CACNA1E: variants seen among roughly 807,000 people sequenced by gnomAD.
The protein encoded by CACNA1E is voltage-dependent R-type calcium channel subunit alpha-1E.
In CACNA1E, 40 loss-of-function variants were observed where a neutral mutation model predicts 259.2. The observed-to-expected ratio is 0.15, with a 90% CI of 0.12 to 0.20. The LOEUF (loss-of-function observed/expected upper bound fraction) is 0.20. Among genes scored for constraint, CACNA1E ranks in the 10% least tolerant of loss-of-function variants. The probability of loss-of-function intolerance (pLI) is 1.00; values close to 1 mark genes in which losing one functional copy is unlikely to be tolerated. For synonymous variants in CACNA1E, 1,104 were observed against 1,138.5 expected, an observed-to-expected ratio of 0.97 and a Z score of 0.61; for missense variants, 1,874 against 3,040.1, an observed-to-expected ratio of 0.62 and a Z score of 9.02.
intron 2 of CACNA1E, among the ~76,000 whole-genome samples, chr1:181,457,103 G>A (rs1374232575): frequency 6.6e-6 from 1 of 152,206 alleles, no homozygotes; most frequent in Non-Finnish European, 1.5e-5. Flanking sequence ...TAGTTCTGGA[G>A]GCTGGGAAGT....
rs780394401 is a variant in CACNA1E at position 181,720,873 on chromosome 1, G to T, written c.1956+18G>T. 1.3e-6 allele frequency: 2 copies of T among 1,557,020 alleles called. No homozygotes were observed. Among genetic ancestry groups the T allele is most frequent in the Admixed American group, 1.7e-5 (1 of 59,270 alleles). ...TGTTCCAGGTATGAGGCCAGCTGAC[G>T]GTTCACAAGTGCTGCATGGGGTCCC... On this transcript the variant is annotated intron_variant, in intron 15 of 47. Coordinates refer to ENST00000367573, the MANE Select transcript of CACNA1E (RefSeq NM_001205293.3).
intron 7 of CACNA1E, among the ~76,000 whole-genome samples, chr1:181,688,272 A>G (rs1258659697): frequency 6.6e-6 from 1 of 152,190 alleles, no homozygotes; most frequent in African/African-American, 2.4e-5. Flanking sequence ...TATATCGCTA[A>G]ATGTTATATG....
chr1:181,781,382 C>T (rs1300412843), intron 38 of CACNA1E, 45 bp from the exon 39 acceptor site: 19 of 903,594 alleles, frequency 2.1e-5, no homozygotes, highest in Non-Finnish European at 3.4e-5. Context: ...CACCCCACTG[C>T]CCCGCTAACC....
At chr1:181,634,686 A>G (rs1387094430) in intron 6 of CACNA1E, among the ~76,000 whole-genome samples, 6 of 152,144 alleles carry the variant, frequency 3.9e-5, no homozygotes, top group Non-Finnish European at 8.8e-5. Flanking sequence ...TGGGTGCCCT[A>G]GAAACTCCAG....
At chr1:181,603,212 G>T (rs1198936339) in intron 6 of CACNA1E, among the ~76,000 whole-genome samples, 1 of 152,206 alleles carries the variant, frequency 6.6e-6, no homozygotes, top group Non-Finnish European at 1.5e-5. Context: ...CATATTATAT[G>T]CCAGGCGCTG....
intron 1 of CACNA1E, among the ~76,000 whole-genome samples, chr1:181,335,883 C>A (rs1284584892): frequency 6.6e-6 from 1 of 152,218 alleles, no homozygotes; most frequent in Non-Finnish European, 1.5e-5. Context: ...CAGTCCTTGG[C>A]CCCCACCCTA....
intron 6 of CACNA1E, among the ~76,000 whole-genome samples, chr1:181,644,461 C>T (rs1658079193): frequency 6.6e-6 from 1 of 152,114 alleles, no homozygotes; most frequent in Non-Finnish European, 1.5e-5. Flanking sequence ...CATTTAATTG[C>T]CCAGTGATGT....
intron 6 of CACNA1E, among the ~76,000 whole-genome samples, chr1:181,582,558 G>A (rs537157203): frequency 5.3e-5 from 8 of 152,376 alleles, no homozygotes; most frequent in South Asian, 2.1e-4. Flanking sequence ...GGATACAGGC[G>A]TGATTGTTGG....
intron 2 of CACNA1E, among the ~76,000 whole-genome samples, chr1:181,417,588 C>T (rs1658365071): frequency 6.6e-6 from 1 of 152,202 alleles, no homozygotes; most frequent in Non-Finnish European, 1.5e-5. Context: ...CGATTGACCT[C>T]ACTGTGAATT....
In CACNA1E at chr1:181,798,378, C is replaced by A. The variant is rs921771126; in HGVS notation, c.6486C>A (p.Val2162=). The A allele has an allele frequency of 6.2e-7, 1 of 1,613,030 alleles. No homozygotes were observed. Among genetic ancestry groups the A allele is most frequent in the Middle Eastern group, 1.6e-4 (1 of 6,062 alleles). Residue 2162 remains valine, a synonymous_variant, in exon 48 of 48, where the codon GTC becomes GTA. Transcript: ENST00000367573. This position sits in a 1 kb window ranked among gnomAD's most constrained non-coding sequence, Gnocchi z 4.2. ...PRRSRRQLPP[V]PPKPRPLLSY... is the part of the protein sequence containing the mutation. Reference sequence around the variant, plus strand: ...GAAGTCGTCGGCAGCTCCCACCCGTCCCGCCAAAGCCCCGGCCCCTCCTTT... The same window carrying A: ...GAAGTCGTCGGCAGCTCCCACCCGTACCGCCAAAGCCCCGGCCCCTCCTTT...
rs141170442 is a variant in CACNA1E, at chr1:181,743,004, C to G, written c.3719+3751C>G. ...GATAAAAAAAATAAATGGAAAGATA[C>G]CCACATTGCAACTTTTCTGTTCTTT... On this transcript the variant is annotated intron_variant, in intron 25 of 47. Transcript: ENST00000367573. Among the ~76,000 whole-genome samples, 680 of 152,194 alleles carry G rather than the reference C, an allele frequency of 4.5e-3. 5 individuals carry two copies. The highest frequency in any genetic ancestry group is 0.015 in the African/African-American group (640 of 41,530).
intron 2 of CACNA1E, among the ~76,000 whole-genome samples, chr1:181,469,020 A>T (rs1662326528): frequency 6.6e-6 from 1 of 152,172 alleles, no homozygotes; most frequent in Admixed American, 6.5e-5. Flanking sequence ...TAGAAAACTC[A>T]TTCATTCATT....
intron 1 of CACNA1E, among the ~76,000 whole-genome samples, chr1:181,508,036 G>A (rs1665854494): frequency 6.6e-6 from 1 of 152,104 alleles, no homozygotes; most frequent in Admixed American, 6.5e-5. Context: ...CCCACTTTGT[G>A]TCAGGCTGCC....
chr1:181,403,419 C>G (rs1459111364), intron 1 of CACNA1E, among the ~76,000 whole-genome samples: 1 of 151,856 alleles, frequency 6.6e-6, no homozygotes, highest in African/African-American at 2.4e-5. Context: ...AACCCAATTG[C>G]ACTGTTCACT....
At chr1:181,679,571 C>T (rs571530411) in intron 7 of CACNA1E, among the ~76,000 whole-genome samples, 23 of 152,300 alleles carry the variant, frequency 1.5e-4, no homozygotes, top group Middle Eastern at 3.4e-3. Context: ...CTTTCACAAA[C>T]GGTTACTTCC....
At chr1:181,515,135 C>T (rs1666475239) in intron 3 of CACNA1E, among the ~76,000 whole-genome samples, 1 of 151,974 alleles carries the variant, frequency 6.6e-6, no homozygotes, top group African/African-American at 2.4e-5. Flanking sequence ...TCTGTGGTTG[C>T]AGGTTCCTTT....
chr1:181,705,504 A>T (rs958217758), intron 7 of CACNA1E, among the ~76,000 whole-genome samples: 48 of 152,246 alleles, frequency 3.2e-4, no homozygotes, highest in Non-Finnish European at 6.6e-4. Context: ...GAAATTTAGA[A>T]ACCCAAACCT....
At chr1:181,721,922 C>T (rs1473886015) in intron 16 of CACNA1E, 47 bp downstream of exon 16, 16 of 1,250,564 alleles carry the variant, frequency 1.3e-5, no homozygotes, top group Non-Finnish European at 1.9e-5. Flanking sequence ...CCTTCCTGGA[C>T]CAGCATTTGA....
chr1:181,551,447 G>A (rs1037703892), intron 3 of CACNA1E, among the ~76,000 whole-genome samples: 1 of 152,216 alleles, frequency 6.6e-6, no homozygotes, highest in Non-Finnish European at 1.5e-5. Flanking sequence ...TGAAGCTTTT[G>A]ACAGTTTGTT....
Sources: gnomAD v4.1 joint callset for allele counts (sites outside exome capture counted in the v4.1 genomes callset) on GRCh38, gnomAD v4.1.1 for gene constraint, Gnocchi (gnomAD v3.1) non-coding constraint, MANE v1.5 for transcripts, NCBI Gene and HGNC (gene_info 2026-07-23, HGNC 2026-07-21) for gene names.